Variants in PCDHGB5 observed in about 807,000 individuals in gnomAD.
PCDHGB5 encodes the protein protocadherin gamma subfamily B, 5.
Under a neutral mutation model 62.9 loss-of-function variants are expected in PCDHGB5, and 48 were observed. The ratio of observed to expected loss-of-function variants is 0.76; its 90% CI spans 0.61 to 0.97. The LOEUF (loss-of-function observed/expected upper bound fraction) is 0.97, where lower values mean the gene tolerates loss of function less well. PCDHGB5 is among the 50% of genes least tolerant of loss of function. The probability of loss-of-function intolerance (pLI) is 0.00; values close to 1 mark genes in which losing one functional copy is unlikely to be tolerated. For missense variants in PCDHGB5, 1,118 were observed against 1,198.6 expected (o/e 0.93, Z 0.99); for synonymous variants, 474 against 511.2 (o/e 0.93, Z 0.98).
At chr5:141,471,942 A>G (rs1163887457) in intron 1 of PCDHGB5, among the ~76,000 whole-genome samples, 1 of 152,192 alleles carries the variant, frequency 6.6e-6, no homozygotes, top group Non-Finnish European at 1.5e-5. Flanking sequence ...AGAGTTTTCT[A>G]AAACTGGATT....
At chr5:141,462,036 G>T (rs760555655) in intron 1 of PCDHGB5, among the ~76,000 whole-genome samples, 6 of 151,978 alleles carry the variant, frequency 3.9e-5, no homozygotes, top group Non-Finnish European at 8.8e-5. Flanking sequence ...TTGGTCAGGC[G>T]GGTCTTGAAC....
intron 1 of PCDHGB5, chr5:141,418,087 C>G (rs2096220274): frequency 6.2e-7 from 1 of 1,613,894 alleles, no homozygotes; most frequent in African/African-American, 1.3e-5. Context: ...TGCACTTCAG[C>G]GTAGACGCGC....
intron 2 of PCDHGB5, among the ~76,000 whole-genome samples, chr5:141,501,212 A>G (rs936235563): frequency 1.9e-4 from 29 of 150,770 alleles, no homozygotes; most frequent in Admixed American, 1.8e-3. Flanking sequence ...TGTCAGGGTG[A>G]CTTCCTAGAT....
chr5:141,441,865 G>T, intron 1 of PCDHGB5: 1 of 345,726 alleles, frequency 2.9e-6, no homozygotes. Context: ...GCACGCCGCG[G>T]AGCCTGGCTA....
chr5:141,415,684 A>G, intron 1 of PCDHGB5: 2 of 1,437,842 alleles, frequency 1.4e-6, no homozygotes, highest in Non-Finnish European at 1.9e-6. Flanking sequence ...TTGCGGCATG[A>G]TGGTGGAAAG....
chr5:141,449,842 A>G (rs893220311), intron 1 of PCDHGB5, among the ~76,000 whole-genome samples: 4 of 151,700 alleles, frequency 2.6e-5, no homozygotes, highest in Non-Finnish European at 4.4e-5. Flanking sequence ...TTATATAATT[A>G]AATTTTAATA....
intron 2 of PCDHGB5, among the ~76,000 whole-genome samples, chr5:141,503,685 G>A (rs1171934407): frequency 2.6e-5 from 4 of 151,882 alleles, no homozygotes; most frequent in African/African-American, 9.7e-5. Context: ...TTGGGAAGGA[G>A]AATTGAGATT....
At chr5:141,507,450 CAGAG>C (rs940460926) in intron 3 of PCDHGB5, among the ~76,000 whole-genome samples, 1 of 152,170 alleles carries the variant, frequency 6.6e-6, no homozygotes, top group African/African-American at 2.4e-5. Flanking sequence ...GACGGAAGGA[CAGAG>C]AGAGAGGTGG....
chr5:141,428,861 T>G (rs1435613271), intron 1 of PCDHGB5: 1 of 73,058 alleles, frequency 1.4e-5, no homozygotes, highest in Non-Finnish European at 2.5e-5. Flanking sequence ...TACGGGAGAC[T>G]TTTTTTTTTT....
At chr5:141,400,756 C>G (rs1220648843) in intron 1 of PCDHGB5, 1 of 584,890 alleles carries the variant, frequency 1.7e-6, no homozygotes, top group African/African-American at 1.9e-5. Context: ...AGCTTCCTCT[C>G]TAGCAAAAAC....
At chr5:141,405,880 G>T (rs2094729430) in intron 1 of PCDHGB5, among the ~76,000 whole-genome samples, 1 of 152,110 alleles carries the variant, frequency 6.6e-6, no homozygotes, top group Non-Finnish European at 1.5e-5. Flanking sequence ...GGGCCTAATT[G>T]TTGCTCCAAC....
chr5:141,400,292 G>T lies in PCDHGB5; in HGVS notation c.2165G>T (p.Cys722Phe). The T allele has an allele frequency of 6.2e-7, 1 of 1,614,078 alleles. No homozygotes were observed. Among genetic ancestry groups the T allele is most frequent in the South Asian group, 1.1e-5 (1 of 91,086 alleles). The change falls in exon 1 of 4, where the codon TGC (cysteine) becomes TTC (phenylalanine). Residue 722 changes from cysteine to phenylalanine, a missense_variant. By Grantham distance (205) the Cys-to-Phe change is radical (BLOSUM62 -2). Coordinates refer to ENST00000617380, the MANE Select transcript of PCDHGB5 (RefSeq NM_018925.3). ...TCCTCCAGCCCTGCCGCCTGGAGCT[G>T]CTTCCAACCTGGTCTCTGTGTCAAG... ...RRSSSPAAWSCFQPGLCVKSG... is the reference protein window; with the variant it reads ...RRSSSPAAWSFFQPGLCVKSG...
chr5:141,421,055 C>A, intron 1 of PCDHGB5: 2 of 577,118 alleles, frequency 3.5e-6, no homozygotes, highest in South Asian at 2.4e-5. Flanking sequence ...GCCTCTACCA[C>A]ACAAAGCGGA....
chr5:141,476,950 A>T lies in PCDHGB5; in HGVS notation c.2398-17857A>T, dbSNP rs1224572890. 2 of 1,614,158 alleles carry T rather than the reference A, an allele frequency of 1.2e-6. No homozygotes were observed. The highest frequency in any genetic ancestry group is 4.5e-5 in the East Asian group (2 of 44,878). ...ATCTGGATGAAGGCCCCAACGGTGA[A>T]ATTATTTACTCCTTCGGCAGCCACA... On this transcript the variant is annotated intron_variant, in intron 1 of 3. Transcript: ENST00000617380. The surrounding 1 kb of genome is among the most constrained non-coding windows in gnomAD (Gnocchi z 7.6).
In PCDHGB5 at chr5:141,415,645, A is replaced by T. The variant is rs200555070; in HGVS notation, c.2397+15121A>T. On this transcript the variant is annotated intron_variant, in intron 1 of 3. Transcript: ENST00000617380. The stretch of plus-strand genomic sequence containing the variant: ...TATTTTCATTTTTACTTTTGTTAAA[A>T]AAAAAAAGATTGGTTTTTACTTTGA... The T allele has an allele frequency of 3.5e-3, 5,682 of 1,600,720 alleles. 22 individuals carry two copies. The highest frequency in any genetic ancestry group is 5.0e-3 in the Middle Eastern group (30 of 6,044).
At chr5:141,402,682 T>A (rs1012328239) in intron 1 of PCDHGB5, among the ~76,000 whole-genome samples, 1 of 152,138 alleles carries the variant, frequency 6.6e-6, no homozygotes, top group East Asian at 1.9e-4. Context: ...CCATCTGATA[T>A]AATGTTACAC....
At position 141,404,170 on chromosome 5, in the gene PCDHGB5, G is replaced by A. The variant is rs73279089; in HGVS notation, c.2397+3646G>A. 22 of 1,612,630 alleles carry A rather than the reference G, an allele frequency of 1.4e-5. No individual in the cohort carries two copies. In the East Asian group the frequency reaches 1.8e-4, roughly 13 times the overall value. On this transcript the variant is annotated intron_variant, in intron 1 of 3. Coordinates refer to ENST00000617380, the MANE Select transcript of PCDHGB5 (RefSeq NM_018925.3). ...AAGAAGATTATTACAGATTGTTGACGGCCCAAATTCTTGACCGAGAAAAAG... is the reference window on the plus strand; with the variant it reads ...AAGAAGATTATTACAGATTGTTGACAGCCCAAATTCTTGACCGAGAAAAAG...
intron 1 of PCDHGB5, among the ~76,000 whole-genome samples, chr5:141,434,881 A>C (rs1221252749): frequency 6.6e-6 from 1 of 151,958 alleles, no homozygotes; most frequent in Non-Finnish European, 1.5e-5. Context: ...AGATACCAAC[A>C]ACAATCCAGT....
At chr5:141,497,209 TG>T (rs11343387) in intron 2 of PCDHGB5, among the ~76,000 whole-genome samples, 90,704 of 151,262 alleles carry the variant, frequency 0.6, 29,397 homozygotes, top group African/African-American at 0.86. Context: ...GTGAGTGTAA[TG>T]GGGGGGGGAA....
Sources: gnomAD v4.1 joint callset for allele counts (sites outside exome capture counted in the v4.1 genomes callset) on GRCh38, gnomAD v4.1.1 for gene constraint, Gnocchi (gnomAD v3.1) non-coding constraint, MANE v1.5 for transcripts, NCBI Gene and HGNC (gene_info 2026-07-23, HGNC 2026-07-21) for gene names.